Variants in CDH13 observed in about 807,000 individuals in gnomAD.
The protein encoded by CDH13 is cadherin 13, also known as cadherin-13.
In CDH13, 24 loss-of-function variants were observed where a neutral mutation model predicts 63.8. The observed-to-expected ratio is 0.38, with a 90% CI of 0.27 to 0.53. The LOEUF (loss-of-function observed/expected upper bound fraction) is 0.53. Among genes scored for constraint, CDH13 ranks in the 20% least tolerant of loss-of-function variants. The pLI is 0.85. For synonymous variants in CDH13, 503 were observed against 355.3 expected (o/e 1.42, Z -4.67); for missense variants, 1,049 against 903.1 (o/e 1.16, Z -2.07).
At chr16:83,018,199 T>C (rs974337406) in intron 2 of CDH13, among the ~76,000 whole-genome samples, 2 of 152,124 alleles carry the variant, frequency 1.3e-5, no homozygotes, top group African/African-American at 4.8e-5. Context: ...TGTAAAATGG[T>C]TGAAATATCG....
chr16:83,410,678 T>C (rs1367814405), intron 6 of CDH13, among the ~76,000 whole-genome samples: 1 of 152,198 alleles, frequency 6.6e-6, no homozygotes, highest in African/African-American at 2.4e-5. Context: ...TATATGCTAC[T>C]CATAGAAATT....
At chr16:83,665,276 T>A (rs909562662) in intron 8 of CDH13, among the ~76,000 whole-genome samples, 1 of 152,032 alleles carries the variant, frequency 6.6e-6, no homozygotes, top group Non-Finnish European at 1.5e-5. Context: ...GTCACAGGGG[T>A]TTAAACCAAA....
chr16:82,685,005 C>G (rs181630563), intron 1 of CDH13, among the ~76,000 whole-genome samples: 7 of 151,036 alleles, frequency 4.6e-5, no homozygotes, highest in African/African-American at 1.5e-4. Context: ...AGGTGGGCAC[C>G]ACTTGAGACA....
intron 7 of CDH13, among the ~76,000 whole-genome samples, chr16:83,601,918 C>A (rs1270836393): frequency 1.3e-5 from 2 of 151,718 alleles, no homozygotes; most frequent in Admixed American, 1.3e-4. Flanking sequence ...CATGGTGATA[C>A]CCTGTCCCTA....
intron 4 of CDH13, among the ~76,000 whole-genome samples, chr16:83,193,003 T>G (rs570389134): frequency 1.3e-5 from 2 of 152,110 alleles, no homozygotes; most frequent in Non-Finnish European, 2.9e-5. Flanking sequence ...TTGGCAAAGA[T>G]GGAGGCTGCC....
At chr16:83,114,982 G>A (rs2035226731) in intron 3 of CDH13, among the ~76,000 whole-genome samples, 2 of 152,196 alleles carry the variant, frequency 1.3e-5, no homozygotes, top group Admixed American at 1.3e-4. Flanking sequence ...AGACAATTAA[G>A]CTGTCCCCCT....
chr16:83,430,504 A>G (rs34792357), intron 6 of CDH13, among the ~76,000 whole-genome samples: 23,897 of 152,208 alleles, frequency 0.16, 2,447 homozygotes, highest in Non-Finnish European at 0.23. Flanking sequence ...GACTCCCTGA[A>G]TTGAAAGCAA....
At position 83,360,280 on chromosome 16, in the gene CDH13, G is replaced by A. The variant is rs74034193; in HGVS notation, c.781+15274G>A. Among the ~76,000 whole-genome samples, 1,438 of 152,236 alleles carry A rather than the reference G, an allele frequency of 9.4e-3. 22 individuals carry two copies. Among genetic ancestry groups the A allele is most frequent in the African/African-American group, 0.033 (1,388 of 41,528 alleles). On this transcript the variant is annotated intron_variant, in intron 6 of 13. Transcript: ENST00000567109. ...TCTGAGATATTCGACAATGTACCAC[G>A]TACGGAAAATACATCTGTGTTCTGT...
At chr16:82,794,156 T>C (rs371405474) in intron 1 of CDH13, among the ~76,000 whole-genome samples, 2 of 151,620 alleles carry the variant, frequency 1.3e-5, no homozygotes, top group African/African-American at 4.9e-5. Context: ...TTATGAAATT[T>C]TTTTGCAATT....
chr16:83,575,932 A>G (rs1905057790), intron 7 of CDH13, among the ~76,000 whole-genome samples: 1 of 152,234 alleles, frequency 6.6e-6, no homozygotes. Flanking sequence ...TAATTGATGT[A>G]AAATTCACAT....
At chr16:82,664,703 T>G (rs1912381496) in intron 1 of CDH13, among the ~76,000 whole-genome samples, 1 of 152,242 alleles carries the variant, frequency 6.6e-6, no homozygotes, top group Non-Finnish European at 1.5e-5. Context: ...AATACTTGCT[T>G]ATTAACTAAC....
chr16:83,171,371 C>G (rs1361500678), intron 4 of CDH13: 1 of 673,958 alleles, frequency 1.5e-6, no homozygotes, highest in Non-Finnish European at 2.6e-6. Context: ...GATCCAGTCA[C>G]CTGCCACCAG....
intron 3 of CDH13, among the ~76,000 whole-genome samples, chr16:83,102,482 G>T (rs1314029244): frequency 6.6e-6 from 1 of 152,164 alleles, no homozygotes; most frequent in African/African-American, 2.4e-5. Flanking sequence ...AGGGGAGCTT[G>T]CAGTAACAGG....
intron 2 of CDH13, among the ~76,000 whole-genome samples, chr16:82,868,039 T>G (rs780519119): frequency 6.6e-6 from 1 of 152,232 alleles, no homozygotes; most frequent in Non-Finnish European, 1.5e-5. Context: ...TATACAAGCT[T>G]GTATTTACTT....
At chr16:82,975,773 G>C (rs766676036) in intron 2 of CDH13, among the ~76,000 whole-genome samples, 1 of 152,014 alleles carries the variant, frequency 6.6e-6, no homozygotes, top group South Asian at 2.1e-4. Context: ...ATATGCAAAG[G>C]CCTTTATATA....
intron 7 of CDH13, among the ~76,000 whole-genome samples, chr16:83,594,952 T>G (rs548273726): frequency 2.0e-5 from 3 of 152,306 alleles, no homozygotes; most frequent in African/African-American, 7.2e-5. Context: ...ACTCGAGGCT[T>G]TTTCTTGCAG....
intron 3 of CDH13, among the ~76,000 whole-genome samples, chr16:83,080,938 A>G (rs1415850581): frequency 8.3e-6 from 1 of 120,214 alleles, no homozygotes; most frequent in African/African-American, 3.3e-5. Context: ...CGGGAGTGCA[A>G]TGGTGCAATC....
intron 6 of CDH13, among the ~76,000 whole-genome samples, chr16:83,482,282 A>G (rs2073788440): frequency 6.6e-6 from 1 of 152,204 alleles, no homozygotes; most frequent in Admixed American, 6.5e-5. Flanking sequence ...AATGAACACA[A>G]CAGTCTATAC....
chr16:83,581,906 A>G (rs1905642722), intron 7 of CDH13, among the ~76,000 whole-genome samples: 2 of 152,168 alleles, frequency 1.3e-5, no homozygotes, highest in South Asian at 4.1e-4. Flanking sequence ...CTTAGCACAT[A>G]CCACTGTTGA....
Sources: gnomAD v4.1 joint callset for allele counts (sites outside exome capture counted in the v4.1 genomes callset) on GRCh38, gnomAD v4.1.1 for gene constraint, MANE v1.5 for transcripts, NCBI Gene and HGNC (gene_info 2026-07-23, HGNC 2026-07-21) for gene names.